The following LRBA variants were observed in gnomAD, a reference collection of about 807,000 sequenced individuals.
The protein encoded by LRBA is lipopolysaccharide-responsive and beige-like anchor protein.
In LRBA, 176 loss-of-function variants were observed where a neutral mutation model predicts 330.0. The ratio of observed to expected loss-of-function variants is 0.53; its 90% confidence interval spans 0.47 to 0.60. LRBA has a LOEUF of 0.60. Ranked by LOEUF, LRBA falls within the 20% of genes least tolerant of loss-of-function variation. LRBA has a pLI of 0.00. For synonymous variants in LRBA, 1,230 were observed against 1,193.0 expected (o/e 1.03, Z -0.64); for missense variants, 3,259 against 3,444.8 (o/e 0.95, Z 1.35).
chr4:150,740,689 G>A (rs1442002670), intron 35 of LRBA, among the ~76,000 whole-genome samples: 1 of 150,320 alleles, frequency 6.7e-6, no homozygotes, highest in Non-Finnish European at 1.5e-5. Context: ...AGTATACCAT[G>A]TTCATGAAAG....
intron 2 of LRBA, among the ~76,000 whole-genome samples, chr4:150,934,979 G>A (rs2149517912): frequency 6.7e-6 from 1 of 149,008 alleles, no homozygotes; most frequent in East Asian, 2.0e-4. Context: ...TTGCACTCTA[G>A]CCTGGGCAAC....
At chr4:150,918,886 CA>C (rs1215630014) in intron 5 of LRBA, among the ~76,000 whole-genome samples, 1 of 152,128 alleles carries the variant, frequency 6.6e-6, no homozygotes, top group Non-Finnish European at 1.5e-5. Flanking sequence ...AAATGTTAAA[CA>C]AAGACCATAT....
At position 150,528,170 on chromosome 4, in the gene LRBA, T is replaced by C. The variant is rs534973617; in HGVS notation, c.6331-37135A>G. On this transcript the variant is annotated intron_variant, in intron 40 of 56. Transcript: ENST00000651943. Reference sequence around the variant, plus strand: ...ACTTCTGATTTTATTTAGATTGTGGTATACCTATATTTGGAAGATAGGGAT... The same window carrying C: ...ACTTCTGATTTTATTTAGATTGTGGCATACCTATATTTGGAAGATAGGGAT... Among the ~76,000 whole-genome samples the C allele has an allele frequency of 1.1e-4, 16 of 152,252 alleles. No homozygotes were observed. In the East Asian group the frequency reaches 2.9e-3, roughly 28 times the overall value.
chr4:150,432,453 C>CTTTGTGTTTTTTTTTTT (rs1750534834), intron 46 of LRBA, among the ~76,000 whole-genome samples: 1 of 98,438 alleles, frequency 1.0e-5, no homozygotes, highest in African/African-American at 4.2e-5. Flanking sequence ...TAAGTGTGTT[C>CTTTGTGTTTTTTTTTTT]TTTTTTTTTT....
chr4:150,353,775 C>T (rs988989655), intron 47 of LRBA, among the ~76,000 whole-genome samples: 25 of 152,116 alleles, frequency 1.6e-4, no homozygotes, highest in Admixed American at 1.0e-3. Context: ...ACCAGTAATT[C>T]GCGGAACTAT....
intron 46 of LRBA, chr4:150,422,672 C>A: frequency 1.5e-6 from 1 of 678,754 alleles, no homozygotes; most frequent in Admixed American, 2.1e-5. Flanking sequence ...GCTCCGGCTC[C>A]TCTAACAACT....
Position 150,885,850 on chromosome 4 carries a change from G to T in LRBA, c.2165+7202C>A, listed in dbSNP as rs149052862. ...CTGCAATTTAAGTTCTTATATCCAG[G>T]ATAAGTATCCTCTAAAAATGGAAGC... On this transcript the variant is annotated intron_variant, in intron 17 of 56. Transcript: ENST00000651943. Among the ~76,000 whole-genome samples the T allele has an allele frequency of 7.2e-3, 1,091 of 152,198 alleles. 7 individuals carry two copies. The highest frequency in any genetic ancestry group is 0.025 in the African/African-American group (1,024 of 41,510).
chr4:150,278,902 A>G (rs1673523576), intron 55 of LRBA, among the ~76,000 whole-genome samples: 1 of 151,592 alleles, frequency 6.6e-6, no homozygotes, highest in African/African-American at 2.4e-5. Context: ...TCAGCTCACT[A>G]CAATCTCCAC....
intron 34 of LRBA, among the ~76,000 whole-genome samples, chr4:150,772,656 G>C (rs1432857935): frequency 6.6e-6 from 1 of 152,088 alleles, no homozygotes. Flanking sequence ...AGGATGTCAG[G>C]GCCTTGCTCC....
intron 32 of LRBA, among the ~76,000 whole-genome samples, chr4:150,807,108 T>C (rs2126719337): frequency 6.6e-6 from 1 of 151,704 alleles, no homozygotes; most frequent in Admixed American, 6.6e-5. Flanking sequence ...TGAGGGTTTT[T>C]TTTTTAAGGT....
chr4:150,534,491 T>C (rs1406528205), intron 40 of LRBA, among the ~76,000 whole-genome samples: 5 of 151,890 alleles, frequency 3.3e-5, no homozygotes, highest in African/African-American at 7.2e-5. Context: ...TTTAAGATAC[T>C]TGTCATGTTA....
chr4:150,841,777 C>A (rs1412926365), intron 28 of LRBA, among the ~76,000 whole-genome samples: 1 of 152,070 alleles, frequency 6.6e-6, no homozygotes, highest in Non-Finnish European at 1.5e-5. Context: ...CTCAGCCTCC[C>A]GAGTAGCTGG....
At chr4:150,665,972 A>G (rs1781519920) in intron 37 of LRBA, among the ~76,000 whole-genome samples, 1 of 152,242 alleles carries the variant, frequency 6.6e-6, no homozygotes, top group South Asian at 2.1e-4. Flanking sequence ...ACAAAAAAGA[A>G]GTACAAATTG....
chr4:150,955,432 A>T (rs1338705639), intron 2 of LRBA, among the ~76,000 whole-genome samples: 1 of 149,220 alleles, frequency 6.7e-6, no homozygotes, highest in Non-Finnish European at 1.5e-5. Context: ...ATACTAAATC[A>T]ACAATATAAC....
chr4:150,660,301 T>TA, intron 37 of LRBA, among the ~76,000 whole-genome samples: 1 of 304 alleles, frequency 3.3e-3, no homozygotes, highest in East Asian at 0.17. Context: ...GGGAGGGAGG[T>TA]GGGGGGTCAG....
intron 49 of LRBA, among the ~76,000 whole-genome samples, chr4:150,322,043 A>G (rs532676063): frequency 1.7e-4 from 26 of 152,352 alleles, no homozygotes; most frequent in African/African-American, 5.5e-4. Context: ...GTACCAAATC[A>G]TAAACACTGC....
intron 40 of LRBA, among the ~76,000 whole-genome samples, chr4:150,502,740 G>A (rs941320582): frequency 5.3e-5 from 8 of 152,238 alleles, no homozygotes; most frequent in Admixed American, 2.6e-4. Flanking sequence ...TGCGTGAGGC[G>A]AAGCAGGGCA....
chr4:150,881,815 G>A (rs150135955), intron 17 of LRBA, among the ~76,000 whole-genome samples: 3,494 of 152,192 alleles, frequency 0.023, 124 homozygotes, highest in African/African-American at 0.08. Flanking sequence ...GGCTGGGCGC[G>A]GTGGCTCACA....
At chr4:150,737,064 T>C (rs916874534) in intron 35 of LRBA, among the ~76,000 whole-genome samples, 1 of 151,972 alleles carries the variant, frequency 6.6e-6, no homozygotes, top group African/African-American at 2.4e-5. Context: ...GAAAGTTTTT[T>C]TTAATTAGCG....
Sources: allele counts gnomAD v4.1 joint callset (sites outside exome capture counted in the v4.1 genomes callset), GRCh38; gene constraint gnomAD v4.1.1; transcripts MANE v1.5; gene names NCBI Gene and HGNC (gene_info 2026-07-23, HGNC 2026-07-21).